The following ANKHD1 variants were observed in gnomAD, a reference collection of about 807,000 sequenced individuals.
ANKHD1 encodes ankyrin repeat and KH domain-containing protein 1.
Under a neutral mutation model 230.5 loss-of-function variants are expected in ANKHD1, and 31 were observed. The observed-to-expected ratio is 0.13, with a 90% confidence interval of 0.10 to 0.18. The LOEUF is 0.18. ANKHD1 is among the 10% of genes least tolerant of loss of function. The probability of loss-of-function intolerance (pLI) is 1.00; values close to 1 mark genes in which losing one functional copy is unlikely to be tolerated. For synonymous variants in ANKHD1, 1,074 were observed against 1,117.6 expected, an observed-to-expected ratio of 0.96 and a Z score of 0.78; for missense variants, 2,256 against 3,071.3, an observed-to-expected ratio of 0.73 and a Z score of 6.27.
chr5:140,520,847 G>A (rs1377182198), intron 24 of ANKHD1, among the ~76,000 whole-genome samples: 14 of 150,054 alleles, frequency 9.3e-5, no homozygotes, highest in Non-Finnish European at 1.8e-4. Context: ...GAGTTAATGG[G>A]TGCAGCGCAC....
At chr5:140,491,153 TATATA>T (rs1751772635) in intron 14 of ANKHD1, among the ~76,000 whole-genome samples, 3 of 102,318 alleles carry the variant, frequency 2.9e-5, no homozygotes, top group African/African-American at 1.1e-4. Context: ...TATATATATA[TATATA>T]TATTTTTTTT....
At chr5:140,453,899 A>C (rs558279935) in intron 7 of ANKHD1, among the ~76,000 whole-genome samples, 1 of 152,236 alleles carries the variant, frequency 6.6e-6, no homozygotes, top group Non-Finnish European at 1.5e-5. Context: ...AAATGCTCCA[A>C]TTAAAAGACA....
At chr5:140,510,397 C>G (rs570124191) in intron 22 of ANKHD1, among the ~76,000 whole-genome samples, 25 of 146,038 alleles carry the variant, frequency 1.7e-4, no homozygotes, top group African/African-American at 5.6e-4. Context: ...ACTGCAACCT[C>G]TGCCTCCCAG....
Position 140,506,712 on chromosome 5 carries a change from A to G in ANKHD1, c.3409-123A>G. On this transcript the variant is annotated intron_variant, in intron 18 of 33. Coordinates refer to ENST00000360839, the MANE Select transcript of ANKHD1 (RefSeq NM_017747.3). The surrounding 1 kb of genome is among the most constrained non-coding windows in gnomAD (Gnocchi z 4.7). ...TATTTCAATATTTAGGGTCTAATGA[A>G]ATGTAATTAAAATATCAGATATTTA... 2.9e-6 allele frequency: 4 copies of G among 1,401,516 alleles called. No individual in the cohort carries two copies. The highest frequency in any genetic ancestry group is 3.9e-6 in the Non-Finnish European group (4 of 1,036,844). The allele number at this position is 1,401,516 out of a possible 1,614,324, so 86.8% of individuals were successfully genotyped here. A position where few individuals can be genotyped will look rare whatever the true frequency, so the allele number is the denominator to read the frequency against.
chr5:140,510,932 C>T (rs1752739765), intron 22 of ANKHD1, among the ~76,000 whole-genome samples: 1 of 152,040 alleles, frequency 6.6e-6, no homozygotes, highest in African/African-American at 2.4e-5. Context: ...AATTGATCCT[C>T]CCGCCTCAGC....
chr5:140,439,700 A>G (rs147768296), intron 3 of ANKHD1, among the ~76,000 whole-genome samples: 14 of 152,148 alleles, frequency 9.2e-5, no homozygotes, highest in Admixed American at 9.2e-4. Context: ...TACAAACACT[A>G]ATGATAGCTG....
intron 1 of ANKHD1, among the ~76,000 whole-genome samples, chr5:140,427,356 C>T (rs866680271): frequency 0.012 from 1,539 of 133,364 alleles, 31 homozygotes; most frequent in African/African-American, 0.041. Context: ...GACGGGGCGG[C>T]TGGCCAGGCG....
Position 140,464,666 on chromosome 5 carries a change from G to T in ANKHD1, c.1673-1G>T, listed in dbSNP as rs1256957925. 1.3e-6 allele frequency: 2 copies of T among 1,529,990 alleles called. No homozygotes were observed. The highest frequency in any genetic ancestry group is 8.9e-7 in the Non-Finnish European group (1 of 1,128,532). The allele number at this position is 1,529,990 out of a possible 1,614,324, so 94.8% of individuals were successfully genotyped here. A position where few individuals can be genotyped will look rare whatever the true frequency, so the allele number is the denominator to read the frequency against. ...TAAATGTATGCTTTTTTGTTTGCTA[G>T]GCGCTAATGTGCATGCTACAACAGC... On this transcript the variant is annotated splice_acceptor_variant, in intron 9 of 33. Coordinates refer to ENST00000360839, the MANE Select transcript of ANKHD1 (RefSeq NM_017747.3). LOFTEE classifies it high-confidence loss of function.
At chr5:140,412,110 C>T (rs1770980289) in intron 1 of ANKHD1, among the ~76,000 whole-genome samples, 2 of 152,108 alleles carry the variant, frequency 1.3e-5, no homozygotes, top group African/African-American at 4.8e-5. Context: ...GATCTCAGCT[C>T]ACTGCAACCT....
intron 15 of ANKHD1, among the ~76,000 whole-genome samples, chr5:140,504,537 A>C (rs1228384718): frequency 6.6e-6 from 1 of 152,162 alleles, no homozygotes; most frequent in Non-Finnish European, 1.5e-5. Flanking sequence ...TTTTATCTGC[A>C]TTGCCTCAGT....
chr5:140,515,080 C>A (rs1752934429), intron 24 of ANKHD1, among the ~76,000 whole-genome samples: 1 of 151,914 alleles, frequency 6.6e-6, no homozygotes, highest in Non-Finnish European at 1.5e-5. Flanking sequence ...GAGTTTGAGA[C>A]CAGCCTGGCC....
intron 15 of ANKHD1, among the ~76,000 whole-genome samples, chr5:140,498,461 A>C (rs992522383): frequency 6.6e-6 from 1 of 152,178 alleles, no homozygotes; most frequent in Admixed American, 6.6e-5. Flanking sequence ...CTGATATGTA[A>C]TAGGTATCAT....
chr5:140,402,148 G>GGCGGCGGCA lies in ANKHD1; in HGVS notation c.187_195dup (p.Gly63_Gly65dup). On this transcript the variant is annotated inframe_insertion, in exon 1 of 34. Transcript: ENST00000360839. ...AGCGTCGGGAGTCGGCAGCAGCGGC[G>GGCGGCGGCA]GCGGCGGCAGCGGCAGCGGTACGGG... 2.0e-6 allele frequency: 3 copies of GGCGGCGGCA among 1,537,980 alleles called. No individual in the cohort carries two copies. The highest frequency in any genetic ancestry group is 1.7e-6 in the Non-Finnish European group (2 of 1,147,240).
At chr5:140,531,694 T>C (rs1172434442) in intron 29 of ANKHD1, among the ~76,000 whole-genome samples, 1 of 152,148 alleles carries the variant, frequency 6.6e-6, no homozygotes, top group Non-Finnish European at 1.5e-5. Flanking sequence ...AAAAACAGTT[T>C]CACAGTTCCT....
At chr5:140,532,056 C>T (rs1455675489) in intron 29 of ANKHD1, among the ~76,000 whole-genome samples, 1 of 151,790 alleles carries the variant, frequency 6.6e-6, no homozygotes, top group African/African-American at 2.4e-5. Context: ...AAATACAAAA[C>T]ATTAGCTGGG....
Position 140,496,805 on chromosome 5 carries a change from A to G in ANKHD1, c.2531A>G (p.Gln844Arg). ...ILKELQKVER[Q>R]LQMKTQQQFT... ...AAAGAACTGCAGAAAGTGGAAAGGC[A>G]GTTGCAGATGAAAACACAGCAGCAA... The change falls in exon 15 of 34, where the codon CAG becomes CGG. Residue 844 changes from glutamine (Q) to arginine (R), a missense_variant. Gln to Arg is a conservative substitution (Grantham distance 43). Transcript: ENST00000360839. The G allele has an allele frequency of 1.2e-6, 2 of 1,614,136 alleles. No individual in the cohort carries two copies. The highest frequency in any genetic ancestry group is 1.3e-5 in the African/African-American group (1 of 75,050).
At chr5:140,533,385 T>G (rs1257775390) in intron 29 of ANKHD1, among the ~76,000 whole-genome samples, 2 of 152,016 alleles carry the variant, frequency 1.3e-5, no homozygotes, top group Non-Finnish European at 2.9e-5. Context: ...GATCACGAGG[T>G]CAGGAGATCG....
At chr5:140,474,094 C>T (rs1482215012) in intron 10 of ANKHD1, among the ~76,000 whole-genome samples, 1 of 152,142 alleles carries the variant, frequency 6.6e-6, no homozygotes, top group African/African-American at 2.4e-5. Flanking sequence ...TTCCTCCATC[C>T]AAATTGAATA....
intron 1 of ANKHD1, among the ~76,000 whole-genome samples, chr5:140,434,425 A>G (rs1454421716): frequency 6.7e-6 from 1 of 149,752 alleles, no homozygotes. Context: ...TAGTATATAT[A>G]TTATCTGTAT....
Sources: gnomAD v4.1 joint callset for allele counts (sites outside exome capture counted in the v4.1 genomes callset) on GRCh38, gnomAD v4.1.1 for gene constraint, Gnocchi (gnomAD v3.1) non-coding constraint, MANE v1.5 for transcripts, NCBI Gene and HGNC (gene_info 2026-07-23, HGNC 2026-07-21) for gene names.